Variants in KIF1B observed in about 807,000 individuals in gnomAD.
The protein encoded by KIF1B is kinesin family member 1B, also known as kinesin-like protein KIF1B.
In KIF1B, 76 loss-of-function variants were observed where a neutral mutation model predicts 241.9. That is an observed-to-expected ratio of 0.31 (90% confidence interval 0.26 to 0.38). The LOEUF (loss-of-function observed/expected upper bound fraction) is 0.38. Among genes scored for constraint, KIF1B ranks in the 10% least tolerant of loss-of-function variants. KIF1B has a pLI of 1.00. For missense variants in KIF1B, 1,622 were observed against 2,271.4 expected (o/e 0.71, Z 5.81); for synonymous variants, 750 against 796.7 (o/e 0.94, Z 0.99).
At position 10,374,209 on chromosome 1, in the gene KIF1B, G is replaced by A. The variant is rs560761952; in HGVS notation, c.4947-107G>A. The A allele has an allele frequency of 5.2e-3, 6,356 of 1,230,134 alleles. 29 individuals carry two copies. The highest frequency in any genetic ancestry group is 6.2e-3 in the Non-Finnish European group (5,208 of 834,582). 76.2% of individuals were successfully genotyped at this position (1,230,134 alleles called of 1,614,324 possible). ...TCTGCAACTCAAGTTTGCAGCTGGG[G>A]TTTAGGGAGGGCCATTGTGTTCCTC... On this transcript the variant is annotated intron_variant, in intron 45 of 48. Transcript: ENST00000676179. The surrounding 1 kb of genome is among the most constrained non-coding windows in gnomAD (Gnocchi z 4.3).
At chr1:10,223,546 G>GTTTTTTTTTTTTTTTTTTTTTTTT (rs113574017) in intron 1 of KIF1B, among the ~76,000 whole-genome samples, 2 of 131,248 alleles carry the variant, frequency 1.5e-5, no homozygotes, top group Admixed American at 7.5e-5. Flanking sequence ...GTTTTGTTTT[G>GTTTTTTTTTTTTTTTTTTTTTTTT]TTTTTTTTTT....
At chr1:10,330,525 A>T (rs866346247) in intron 27 of KIF1B, among the ~76,000 whole-genome samples, 3 of 151,430 alleles carry the variant, frequency 2.0e-5, no homozygotes, top group Admixed American at 1.3e-4. Flanking sequence ...TATTTTTAAG[A>T]TAGATATAGT....
chr1:10,335,309 G>C (rs1652124057), intron 28 of KIF1B, among the ~76,000 whole-genome samples: 1 of 152,168 alleles, frequency 6.6e-6, no homozygotes, highest in African/African-American at 2.4e-5. Flanking sequence ...CTGGAGCGCA[G>C]TGGCACAATC....
Position 10,348,739 on chromosome 1 carries a change from T to C in KIF1B, c.3949+6T>C, listed in dbSNP as rs2102329976. ...TGTTCGTGAACTGGTGGTAGGTGAG[T>C]ACGTTTCATCAGCCAAGGATAGAAC... On this transcript the variant is annotated splice_donor_region_variant and intron_variant, in intron 37 of 48. Transcript: ENST00000676179. 6.2e-7 allele frequency: 1 copy of C among 1,610,218 alleles called. No individual in the cohort carries two copies. The highest frequency in any genetic ancestry group is 8.5e-7 in the Non-Finnish European group (1 of 1,176,738).
intron 1 of KIF1B, among the ~76,000 whole-genome samples, chr1:10,225,150 T>G (rs1250400677): frequency 6.6e-6 from 1 of 152,150 alleles, no homozygotes; most frequent in Non-Finnish European, 1.5e-5. Flanking sequence ...CCTGTACCAC[T>G]CTGTGGCCTA....
rs1257902490 is a variant in KIF1B, at chr1:10,289,575, C to G, written c.1435-1507C>G. Among the ~76,000 whole-genome samples the G allele has an allele frequency of 2.0e-5, 3 of 152,134 alleles. 1 individual carries two copies. Among genetic ancestry groups the G allele is most frequent in the Non-Finnish European group, 4.4e-5 (3 of 68,022 alleles). On this transcript the variant is annotated intron_variant, in intron 15 of 48. Coordinates refer to ENST00000676179, the MANE Select transcript of KIF1B (RefSeq NM_001365951.3). ...TTGCCACTATCTGACATACTGTGTA[C>G]TTATTGATTAAAATGGATTATATCA...
chr1:10,349,434 CA>C (rs35456826), intron 37 of KIF1B, among the ~76,000 whole-genome samples: 28 of 141,936 alleles, frequency 2.0e-4, no homozygotes, highest in East Asian at 1.6e-3. Context: ...GACTCCGTCT[CA>C]AAAAAAAAAA....
chr1:10,326,179 C>T lies in KIF1B; in HGVS notation c.2744C>T (p.Thr915Met), dbSNP rs749523745. 16 of 1,614,106 alleles carry T rather than the reference C, an allele frequency of 9.9e-6. No homozygotes were observed. The highest frequency in any genetic ancestry group is 5.5e-5 in the South Asian group (5 of 91,088). Reference protein sequence around the residue: ...ADRTPSPTFSTADSDITELAD... With the variant: ...ADRTPSPTFSMADSDITELAD... Reference sequence around the variant, plus strand: ...CGCACACCCTCCCCCACTTTTTCCACGGCCGATTCCGACATCACTGAGCTG... The same window carrying T: ...CGCACACCCTCCCCCACTTTTTCCATGGCCGATTCCGACATCACTGAGCTG... Residue 915 changes from threonine to methionine, a missense_variant, in exon 27 of 49, where the codon ACG becomes ATG. Around this residue, in one of 7 missense-constraint regions of KIF1B, gnomAD observed 803 missense variants for 1,112.0 expected, o/e 0.72. Transcript: ENST00000676179. This position sits in a 1 kb window ranked among gnomAD's most constrained non-coding sequence, Gnocchi z 5.2.
intron 22 of KIF1B, among the ~76,000 whole-genome samples, chr1:10,311,613 C>T (rs1043336110): frequency 1.3e-5 from 2 of 151,462 alleles, no homozygotes; most frequent in South Asian, 4.1e-4. Flanking sequence ...TTATCAGAGT[C>T]ACAAAAGCTC....
At chr1:10,220,032 G>A (rs1224499022) in intron 1 of KIF1B, among the ~76,000 whole-genome samples, 4 of 151,264 alleles carry the variant, frequency 2.6e-5, no homozygotes, top group South Asian at 4.2e-4. Flanking sequence ...GAGAAACTCC[G>A]TCTCTACTAA....
At chr1:10,314,625 G>C (rs1470605996) in intron 22 of KIF1B, among the ~76,000 whole-genome samples, 1 of 151,208 alleles carries the variant, frequency 6.6e-6, no homozygotes, top group Non-Finnish European at 1.5e-5. Context: ...TCACTATGTT[G>C]CCCGGACTGG....
intron 20 of KIF1B, 40 bp downstream of exon 20, chr1:10,296,705 C>G: frequency 6.4e-7 from 1 of 1,562,328 alleles, no homozygotes; most frequent in East Asian, 2.2e-5. Context: ...GCAATGTGCA[C>G]ATGGCTTCTG....
chr1:10,243,283 G>GT lies in KIF1B; in HGVS notation c.106+10850dup, dbSNP rs549232250. ...AATACAAAAAAATTAGCTGGGCCTA[G>GT]TGGCACATGCCTGTGATCCTAGCTA... On this transcript the variant is annotated intron_variant, in intron 2 of 48. Transcript: ENST00000676179. 2.5e-3 allele frequency among the ~76,000 whole-genome samples: 384 copies of GT among 152,306 alleles called. 2 individuals are homozygous for GT. Among genetic ancestry groups the GT allele is most frequent in the African/African-American group, 8.4e-3 (351 of 41,566 alleles).
At chr1:10,297,853 C>T (rs1557696792) in intron 22 of KIF1B, among the ~76,000 whole-genome samples, 1 of 152,098 alleles carries the variant, frequency 6.6e-6, no homozygotes, top group Admixed American at 6.5e-5. Context: ...ATACCCAGCC[C>T]GGACAGGACA....
chr1:10,360,435 A>G (rs1638386778), intron 38 of KIF1B, among the ~76,000 whole-genome samples: 1 of 152,180 alleles, frequency 6.6e-6, no homozygotes, highest in Admixed American at 6.5e-5. Context: ...CTGTAATCCC[A>G]GCACTTTGGG....
chr1:10,367,180 C>G (rs1638599308), intron 43 of KIF1B, among the ~76,000 whole-genome samples: 8 of 151,312 alleles, frequency 5.3e-5, no homozygotes, highest in Admixed American at 5.3e-4. Context: ...ACTGCAACCT[C>G]CACTTCCCAG....
At chr1:10,246,169 A>G (rs1331855311) in intron 2 of KIF1B, among the ~76,000 whole-genome samples, 1 of 152,164 alleles carries the variant, frequency 6.6e-6, no homozygotes, top group Non-Finnish European at 1.5e-5. Context: ...CCTAAACATA[A>G]CTATTGTTTT....
chr1:10,297,965 A>G (rs1650352630), intron 22 of KIF1B, among the ~76,000 whole-genome samples: 1 of 152,206 alleles, frequency 6.6e-6, no homozygotes, highest in Non-Finnish European at 1.5e-5. Context: ...TCAGCGTTTT[A>G]TAATGGTAAT....
chr1:10,375,521 C>T, intron 48 of KIF1B, 148 bp downstream of exon 48: 1 of 723,150 alleles, frequency 1.4e-6, no homozygotes, highest in South Asian at 1.5e-5. Flanking sequence ...GTAGCTGAGA[C>T]TACAGGCACG....
Sources: allele counts gnomAD v4.1 joint callset (sites outside exome capture counted in the v4.1 genomes callset), GRCh38; gene constraint gnomAD v4.1.1; regional missense constraint gnomAD v4.1.1; non-coding constraint Gnocchi (gnomAD v3.1); transcripts MANE v1.5; gene names NCBI Gene and HGNC (gene_info 2026-07-23, HGNC 2026-07-21).